The following TANC1 variants were observed in gnomAD, a reference collection of about 807,000 sequenced individuals.
TANC1 encodes protein TANC1.
Under a neutral mutation model 149.7 loss-of-function variants are expected in TANC1, and 77 were observed. The observed-to-expected ratio is 0.51, with a 90% CI of 0.43 to 0.62. TANC1 has a LOEUF of 0.62. Ranked by LOEUF, TANC1 falls within the 20% of genes least tolerant of loss-of-function variation. TANC1 has a pLI of 0.00. For missense variants in TANC1, 1,985 were observed against 2,321.8 expected (o/e 0.85, Z 2.98); for synonymous variants, 854 against 925.0 (o/e 0.92, Z 1.39).
intron 1 of TANC1, among the ~76,000 whole-genome samples, chr2:158,982,424 TG>T (rs2034486624): frequency 6.6e-6 from 1 of 152,254 alleles, no homozygotes; most frequent in South Asian, 2.1e-4. Context: ...GCAATTTACT[TG>T]ACCTGTTTCT....
intron 7 of TANC1, among the ~76,000 whole-genome samples, chr2:159,155,970 A>G (rs573406682): frequency 6.6e-6 from 1 of 152,312 alleles, no homozygotes; most frequent in South Asian, 2.1e-4. Flanking sequence ...ATAAAATGAA[A>G]GTGATTCCAG....
At chr2:159,085,242 C>A (rs1024134672) in intron 3 of TANC1, among the ~76,000 whole-genome samples, 14 of 152,200 alleles carry the variant, frequency 9.2e-5, no homozygotes, top group Admixed American at 9.2e-4. Flanking sequence ...TCCCGTTTGA[C>A]TGTCTCTGCC....
In TANC1 at chr2:158,988,182, G is replaced by A. The variant is rs188574137; in HGVS notation, c.-125-12898G>A. ...CTATTAAAAAGTACAAAAATTAGCC[G>A]GTCGTGGTGGTGGGCGCCTGTAATC... On this transcript the variant is annotated intron_variant, in intron 1 of 26. Coordinates refer to ENST00000263635, the MANE Select transcript of TANC1 (RefSeq NM_033394.3). Among the ~76,000 whole-genome samples, 122 of 151,934 alleles carry A rather than the reference G, an allele frequency of 8.0e-4. No homozygotes were observed. The East Asian group carries it at 0.015, about 19-fold the overall frequency.
At chr2:159,058,977 T>C (rs1287937979) in intron 2 of TANC1, among the ~76,000 whole-genome samples, 1 of 152,208 alleles carries the variant, frequency 6.6e-6, no homozygotes, top group Non-Finnish European at 1.5e-5. Flanking sequence ...TCCAATTTCA[T>C]GCCCAGAACT....
intron 2 of TANC1, among the ~76,000 whole-genome samples, chr2:159,046,259 C>G (rs561686481): frequency 3.9e-5 from 6 of 152,242 alleles, no homozygotes; most frequent in African/African-American, 1.2e-4. Flanking sequence ...TTTGCAAATT[C>G]CTTTTCTGTG....
chr2:159,140,618 T>C (rs1013932296), intron 5 of TANC1, among the ~76,000 whole-genome samples: 6 of 151,378 alleles, frequency 4.0e-5, no homozygotes, highest in African/African-American at 1.5e-4. Context: ...GTGACTGTAA[T>C]AAAGGAGGAA....
At chr2:159,205,596 C>T (rs1201424202) in intron 19 of TANC1, among the ~76,000 whole-genome samples, 3 of 152,226 alleles carry the variant, frequency 2.0e-5, no homozygotes, top group Non-Finnish European at 4.4e-5. Context: ...GGCTGTACAG[C>T]TTAGCAGTTT....
chr2:159,222,899 A>G (rs1350563063), intron 22 of TANC1, among the ~76,000 whole-genome samples: 1 of 151,888 alleles, frequency 6.6e-6, no homozygotes, highest in Admixed American at 6.6e-5. Flanking sequence ...CGTCACCAAT[A>G]CTTGTTTTTT....
intron 3 of TANC1, among the ~76,000 whole-genome samples, chr2:159,091,980 GTA>G (rs772066900): frequency 0.011 from 1,515 of 135,230 alleles, 32 homozygotes; most frequent in South Asian, 0.012. Context: ...GTGTGTGTGT[GTA>G]TGTATGTAGA....
chr2:159,044,648 GCT>G (rs1206117561), intron 2 of TANC1, among the ~76,000 whole-genome samples: 1 of 152,042 alleles, frequency 6.6e-6, no homozygotes, highest in African/African-American at 2.4e-5. Context: ...TTTATGCCTA[GCT>G]GTGCACAGTG....
intron 5 of TANC1, among the ~76,000 whole-genome samples, chr2:159,139,116 C>T (rs1343541602): frequency 6.6e-6 from 1 of 151,906 alleles, no homozygotes; most frequent in Non-Finnish European, 1.5e-5. Context: ...ACCTGTAATT[C>T]CAGTGATTCA....
At chr2:159,203,160 C>G (rs2058356774) in intron 19 of TANC1, among the ~76,000 whole-genome samples, 1 of 151,968 alleles carries the variant, frequency 6.6e-6, no homozygotes, top group Admixed American at 6.6e-5. Context: ...CTCCAGTTCC[C>G]TTCGTAGGAC....
intron 3 of TANC1, among the ~76,000 whole-genome samples, chr2:159,084,374 T>C (rs2044619590): frequency 1.3e-5 from 2 of 152,218 alleles, no homozygotes; most frequent in Admixed American, 1.3e-4. Flanking sequence ...TGCTTTTTTC[T>C]AGAATGTGAG....
At chr2:159,063,541 G>C (rs916248726) in intron 2 of TANC1, among the ~76,000 whole-genome samples, 1 of 152,158 alleles carries the variant, frequency 6.6e-6, no homozygotes, top group Non-Finnish European at 1.5e-5. Context: ...TTCCAGTCTG[G>C]GGGAGGGGAG....
At chr2:159,125,641 G>A (rs2049367555) in intron 4 of TANC1, among the ~76,000 whole-genome samples, 1 of 140,452 alleles carries the variant, frequency 7.1e-6, no homozygotes, top group South Asian at 2.5e-4. Context: ...CCAGGCTGGA[G>A]TGCAGTGTCG....
chr2:159,149,115 C>A, intron 5 of TANC1, 27 bp from the exon 6 acceptor site: 1 of 1,554,490 alleles, frequency 6.4e-7, no homozygotes, highest in Non-Finnish European at 8.7e-7. Flanking sequence ...AGAGGGGCAT[C>A]TTCATTGTTT....
At chr2:158,983,008 A>C (rs989268559) in intron 1 of TANC1, among the ~76,000 whole-genome samples, 9 of 152,232 alleles carry the variant, frequency 5.9e-5, no homozygotes, top group African/African-American at 2.2e-4. Context: ...TGTGAATTTT[A>C]AGGTACTTGT....
At chr2:159,030,536 G>A (rs1430104136) in intron 2 of TANC1, among the ~76,000 whole-genome samples, 2 of 152,148 alleles carry the variant, frequency 1.3e-5, no homozygotes, top group Non-Finnish European at 2.9e-5. Flanking sequence ...TGGTTGATAA[G>A]AAGCTCTCTG....
rs758655176 is a variant in TANC1, at chr2:159,217,616, CA to C, written c.3365del (p.Gln1122ArgfsTer17). 1 of 1,614,076 alleles carries C rather than the reference CA, an allele frequency of 6.2e-7. No individual in the cohort carries two copies. Among genetic ancestry groups the C allele is most frequent in the Non-Finnish European group, 8.5e-7 (1 of 1,180,006 alleles). On this transcript the variant is annotated frameshift_variant, in exon 20 of 27. Coordinates refer to ENST00000263635, the MANE Select transcript of TANC1 (RefSeq NM_033394.3). LOFTEE classifies it high-confidence loss of function. ...GVPPLFCAARQGHWQIVRLLL... is the reference protein window; with the variant it reads ...GVPPLFCAARXGHWQIVRLLL... ...TCCACCTTTGTTTTGTGCAGCACGC[CA>C]GGGGCATTGGCAGGTACCCAGGGGG...
Sources: gnomAD v4.1 joint callset for allele counts (sites outside exome capture counted in the v4.1 genomes callset) on GRCh38, gnomAD v4.1.1 for gene constraint, MANE v1.5 for transcripts, NCBI Gene and HGNC (gene_info 2026-07-23, HGNC 2026-07-21) for gene names.